CYP7B1: variants seen among roughly 807,000 people sequenced by gnomAD.
The protein encoded by CYP7B1 is cytochrome P450 7B1.
A neutral mutation model predicts 42.7 loss-of-function variants in CYP7B1; 29 were observed. The ratio of observed to expected loss-of-function variants is 0.68; its 90% confidence interval spans 0.51 to 0.93. The LOEUF (loss-of-function observed/expected upper bound fraction) is 0.93, where lower values mean the gene tolerates loss of function less well. Ranked by LOEUF, CYP7B1 falls within the 40% of genes least tolerant of loss-of-function variation. The probability of loss-of-function intolerance (pLI) is 0.00; values close to 1 mark genes in which losing one functional copy is unlikely to be tolerated. For synonymous variants in CYP7B1, 235 were observed against 218.2 expected, an observed-to-expected ratio of 1.08 and a Z score of -0.68; for missense variants, 655 against 600.5, an observed-to-expected ratio of 1.09 and a Z score of -0.95.
rs188215512 is a variant in CYP7B1 at position 64,733,502 on chromosome 8, A to T, written c.122+64964T>A. Among the ~76,000 whole-genome samples the T allele has an allele frequency of 1.3e-3, 205 of 152,308 alleles. 1 individual carries two copies. The highest frequency in any genetic ancestry group is 6.4e-3 in the East Asian group (33 of 5,182). The stretch of plus-strand genomic sequence containing the variant: ...CAGCAGTAGTGAGCAGTATTTACAA[A>T]GAAGAATTTGATCGCCAATCAGTTC... On this transcript the variant is annotated intron_variant, in intron 1 of 5. Transcript: ENST00000310193.
In CYP7B1 at chr8:64,604,809, A is replaced by G; in HGVS notation, c.1106T>C (p.Ile369Thr). 6.2e-7 allele frequency: 1 copy of G among 1,614,114 alleles called. No individual in the cohort carries two copies. Among genetic ancestry groups the G allele is most frequent in the Non-Finnish European group, 8.5e-7 (1 of 1,180,012 alleles). ...ALRLSSYSTTIRFVEEDLTLS... is the reference protein window; with the variant it reads ...ALRLSSYSTTTRFVEEDLTLS... The stretch of plus-strand genomic sequence containing the variant: ...AGTCAAATCCTCCTCAACAAAACGA[A>G]TGGTGGTTGAATATGAGGACAGTCG... Residue 369 changes from isoleucine (I) to threonine (T), a missense_variant, in exon 5 of 6, where the codon ATT becomes ACT. By Grantham distance (89) the Ile-to-Thr change is moderately conservative. Coordinates refer to ENST00000310193, the MANE Select transcript of CYP7B1 (RefSeq NM_004820.5).
intron 1 of CYP7B1, among the ~76,000 whole-genome samples, chr8:64,705,451 T>C (rs1806981905): frequency 6.6e-6 from 1 of 151,966 alleles, no homozygotes; most frequent in Admixed American, 6.6e-5. Flanking sequence ...ATGAATGGTA[T>C]TCTCCAATTC....
chr8:64,798,394 C>G (rs942250973), intron 1 of CYP7B1, 72 bp downstream of exon 1: 6 of 1,432,936 alleles, frequency 4.2e-6, no homozygotes, highest in Non-Finnish European at 4.5e-6. Flanking sequence ...GGGGGACTCC[C>G]CTCGCCATCT....
rs533553442 is a variant in CYP7B1 at position 64,590,875 on chromosome 8, A to G, written c.*5767T>C. 6.6e-6 allele frequency among the ~76,000 whole-genome samples: 1 copy of G among 152,290 alleles called. No individual in the cohort carries two copies. The highest frequency in any genetic ancestry group is 2.1e-4 in the South Asian group (1 of 4,830). ...CTGTGCTTTAAAGTTAATTTATTAAATTTTTGTTGTACATAAAAGAACATT... is the reference window on the plus strand; with the variant it reads ...CTGTGCTTTAAAGTTAATTTATTAAGTTTTTGTTGTACATAAAAGAACATT... On this transcript the variant is annotated 3_prime_UTR_variant, in exon 6 of 6. Transcript: ENST00000310193.
At chr8:64,695,977 G>T (rs1326945744) in intron 1 of CYP7B1, among the ~76,000 whole-genome samples, 2 of 152,122 alleles carry the variant, frequency 1.3e-5, no homozygotes, top group African/African-American at 4.8e-5. Flanking sequence ...TTATCTAAAT[G>T]TATATGATAA....
intron 1 of CYP7B1, among the ~76,000 whole-genome samples, chr8:64,648,775 A>G (rs531243658): frequency 2.0e-5 from 3 of 152,330 alleles, no homozygotes; most frequent in African/African-American, 7.2e-5. Flanking sequence ...TTAATTCCAT[A>G]AAATGCATAT....
chr8:64,781,978 G>A (rs886072056), intron 1 of CYP7B1, among the ~76,000 whole-genome samples: 1 of 152,110 alleles, frequency 6.6e-6, no homozygotes, highest in Non-Finnish European at 1.5e-5. Flanking sequence ...TGAGACAATA[G>A]ATGCAAAATA....
At chr8:64,737,936 G>A (rs10098783) in intron 1 of CYP7B1, among the ~76,000 whole-genome samples, 147,259 of 152,268 alleles carry the variant, frequency 0.97, 71,318 homozygotes, top group African/African-American at 0.99. Context: ...GACAGGAATT[G>A]CCCTTTTTCA....
chr8:64,679,447 A>C (rs1806503389), intron 1 of CYP7B1, among the ~76,000 whole-genome samples: 1 of 152,192 alleles, frequency 6.6e-6, no homozygotes, highest in African/African-American at 2.4e-5. Context: ...TATTGCTCTA[A>C]GTTAAATATG....
Position 64,591,926 on chromosome 8 carries a change from G to A in CYP7B1, c.*4716C>T, listed in dbSNP as rs888403719. ...GATGGGGGCGGGCACGGTGGCTCATGTCTGCAACCCCAGCACTTAGGGAGT... is the reference window on the plus strand; with the variant it reads ...GATGGGGGCGGGCACGGTGGCTCATATCTGCAACCCCAGCACTTAGGGAGT... On this transcript the variant is annotated 3_prime_UTR_variant, in exon 6 of 6. Transcript: ENST00000310193. Among the ~76,000 whole-genome samples, 2 of 152,166 alleles carry A rather than the reference G, an allele frequency of 1.3e-5. No individual in the cohort carries two copies. Among genetic ancestry groups the A allele is most frequent in the Non-Finnish European group, 2.9e-5 (2 of 68,028 alleles).
chr8:64,601,030 A>G (rs994882663), intron 5 of CYP7B1, among the ~76,000 whole-genome samples: 2 of 152,176 alleles, frequency 1.3e-5, no homozygotes, highest in African/African-American at 4.8e-5. Flanking sequence ...TAGTGGCACA[A>G]TCTCTATTCC....
At chr8:64,678,806 G>C (rs114484426) in intron 1 of CYP7B1, among the ~76,000 whole-genome samples, 2 of 151,990 alleles carry the variant, frequency 1.3e-5, no homozygotes, top group Admixed American at 6.6e-5. Context: ...GATGAGAACT[G>C]TACAGGCCCT....
chr8:64,787,764 A>G (rs1321837682), intron 1 of CYP7B1, among the ~76,000 whole-genome samples: 1 of 152,116 alleles, frequency 6.6e-6, no homozygotes, highest in Non-Finnish European at 1.5e-5. Flanking sequence ...CCATTTTCAC[A>G]CTGCTATTAA....
chr8:64,649,935 G>C (rs1199389666), intron 1 of CYP7B1, among the ~76,000 whole-genome samples: 1 of 150,990 alleles, frequency 6.6e-6, no homozygotes. Context: ...TTGAATTGTA[G>C]AAGCTTTTAT....
intron 1 of CYP7B1, among the ~76,000 whole-genome samples, chr8:64,760,902 G>A (rs1485002091): frequency 1.3e-5 from 2 of 152,102 alleles, no homozygotes; most frequent in Non-Finnish European, 2.9e-5. Flanking sequence ...CTGCACTCCA[G>A]TGTTCATTGT....
intron 1 of CYP7B1, among the ~76,000 whole-genome samples, chr8:64,734,741 T>TA (rs1184445565): frequency 1.3e-5 from 2 of 152,218 alleles, no homozygotes; most frequent in Admixed American, 6.5e-5. Context: ...TAAGCATCTC[T>TA]AGACTGTTCT....
At chr8:64,753,275 G>C (rs1807757278) in intron 1 of CYP7B1, among the ~76,000 whole-genome samples, 1 of 152,040 alleles carries the variant, frequency 6.6e-6, no homozygotes, top group South Asian at 2.1e-4. Context: ...TACTATCTGG[G>C]TTTGTTCTTG....
intron 1 of CYP7B1, among the ~76,000 whole-genome samples, chr8:64,775,583 A>G (rs1186553846): frequency 2.6e-5 from 4 of 152,258 alleles, no homozygotes; most frequent in Middle Eastern, 3.4e-3. Flanking sequence ...AGTAAAAAAT[A>G]GACCTTGATT....
chr8:64,618,572 C>T (rs1173260764), intron 2 of CYP7B1, among the ~76,000 whole-genome samples: 1 of 150,200 alleles, frequency 6.7e-6, no homozygotes, highest in Non-Finnish European at 1.5e-5. Context: ...CATTCATTTT[C>T]TCTCTCTCTC....
Sources: gnomAD v4.1 joint callset for allele counts (sites outside exome capture counted in the v4.1 genomes callset) on GRCh38, gnomAD v4.1.1 for gene constraint, MANE v1.5 for transcripts, NCBI Gene and HGNC (gene_info 2026-07-23, HGNC 2026-07-21) for gene names.